Variants in ZNF608 observed in about 807,000 individuals in gnomAD.
ZNF608 encodes zinc finger protein 608.
ZNF608 carries 12 observed loss-of-function variants against 109.0 expected under a neutral mutation model. The observed-to-expected ratio is 0.11, with a 90% CI of 0.07 to 0.18. ZNF608 has a LOEUF of 0.18. ZNF608 is among the 10% of genes least tolerant of loss of function. ZNF608 has a pLI of 1.00. For synonymous variants in ZNF608, 732 were observed against 717.4 expected (o/e 1.02, Z -0.33); for missense variants, 1,707 against 1,879.3 (o/e 0.91, Z 1.70).
intron 3 of ZNF608, among the ~76,000 whole-genome samples, chr5:124,685,741 T>G (rs1400051490): frequency 6.6e-6 from 1 of 151,302 alleles, no homozygotes; most frequent in Non-Finnish European, 1.5e-5. Flanking sequence ...CCTGAAACCT[T>G]GAGGTGGGTA....
intron 3 of ZNF608, among the ~76,000 whole-genome samples, chr5:124,677,449 G>A (rs561756938): frequency 6.6e-6 from 1 of 152,304 alleles, no homozygotes; most frequent in Non-Finnish European, 1.5e-5. Flanking sequence ...ACAGCACAGG[G>A]TCTGTAAGGA....
intron 3 of ZNF608, among the ~76,000 whole-genome samples, 198 bp downstream of exon 3, chr5:124,700,816 C>T (rs935897571): frequency 2.6e-5 from 4 of 152,214 alleles, no homozygotes; most frequent in African/African-American, 9.6e-5. Context: ...AAACACCCAA[C>T]TCATCTGCAA....
intron 3 of ZNF608, among the ~76,000 whole-genome samples, chr5:124,697,670 C>G (rs1032127669): frequency 9.2e-5 from 14 of 152,142 alleles, no homozygotes; most frequent in African/African-American, 3.4e-4. Flanking sequence ...CTTAGACAAC[C>G]AGTACTTCAT....
rs34750134 is a variant in ZNF608 at position 124,637,667 on chromosome 5, TTA to T, written c.*231_*232del. 190 of 175,222 alleles carry T rather than the reference TTA, an allele frequency of 1.1e-3. No homozygotes were observed. Among genetic ancestry groups the T allele is most frequent in the Middle Eastern group, 5.3e-3 (2 of 374 alleles). The allele number at this position is 175,222 out of a possible 1,614,324, so 10.9% of individuals were successfully genotyped here. On this transcript the variant is annotated 3_prime_UTR_variant, in exon 10 of 10. Coordinates refer to ENST00000513986, the MANE Select transcript of ZNF608 (RefSeq NM_020747.3). ...CAAAAAGTAAAGAATATATTTATATTTATATATATATATATGTATATATACAG... is the reference window on the plus strand; with the variant it reads ...CAAAAAGTAAAGAATATATTTATATTTATATATATATATGTATATATACAG...
intron 2 of ZNF608, among the ~76,000 whole-genome samples, chr5:124,723,894 C>T (rs960120854): frequency 1.3e-4 from 19 of 151,994 alleles, no homozygotes; most frequent in African/African-American, 4.6e-4. Flanking sequence ...CAACAACTCA[C>T]TAGATAATCA....
Position 124,648,952 on chromosome 5 carries a change from C to T in ZNF608, c.1432G>A (p.Gly478Arg), listed in dbSNP as rs1750664275. The change falls in exon 5 of 10, where the codon GGA becomes AGA. Residue 478 changes from glycine to arginine, a missense_variant. By Grantham distance (125) the Gly-to-Arg change is moderately radical. Around this residue, in one of 7 missense-constraint regions of ZNF608, gnomAD observed 166 missense variants for 204.2 expected, o/e 0.81. Transcript: ENST00000513986. ...KGRRGSLNAS[G>R]RRTPPNCAAE... ...GCACAATTTGGGGGTGTCCTTCGTCCGCTGGCATTGAGGCTGCCCCGCCTC... is the reference window on the plus strand; with the variant it reads ...GCACAATTTGGGGGTGTCCTTCGTCTGCTGGCATTGAGGCTGCCCCGCCTC... 1.2e-6 allele frequency: 2 copies of T among 1,613,972 alleles called. No homozygotes were observed. The highest frequency in any genetic ancestry group is 1.7e-6 in the Non-Finnish European group (2 of 1,179,982).
chr5:124,678,027 C>T (rs1281418639), intron 3 of ZNF608, among the ~76,000 whole-genome samples: 1 of 152,032 alleles, frequency 6.6e-6, no homozygotes, highest in Non-Finnish European at 1.5e-5. Context: ...ATAAATGGAT[C>T]AAATAAAGCC....
intron 2 of ZNF608, chr5:124,708,582 C>T (rs1753354312): frequency 2.6e-6 from 1 of 386,016 alleles, no homozygotes; most frequent in African/African-American, 2.1e-5. Flanking sequence ...CTTCAGAAAC[C>T]TCACTTTAAA....
intron 4 of ZNF608, 150 bp from the exon 5 acceptor site, chr5:124,649,283 T>C (rs1399245634): frequency 4.5e-6 from 3 of 671,518 alleles, no homozygotes; most frequent in Non-Finnish European, 7.0e-6. Context: ...TTCCAACACC[T>C]GCAAAAGAAC....
chr5:124,698,204 T>A (rs1752923999), intron 3 of ZNF608, among the ~76,000 whole-genome samples: 1 of 152,210 alleles, frequency 6.6e-6, no homozygotes, highest in Admixed American at 6.5e-5. Context: ...TCTCTCTTTG[T>A]TTCTCCCAAA....
intron 2 of ZNF608, among the ~76,000 whole-genome samples, chr5:124,718,631 C>T (rs999200769): frequency 1.3e-5 from 2 of 152,102 alleles, no homozygotes; most frequent in Non-Finnish European, 2.9e-5. Flanking sequence ...AGAGGAGGGG[C>T]GATGTGAAAG....
At chr5:124,657,990 T>TTAAAA (rs1413736629) in intron 3 of ZNF608, among the ~76,000 whole-genome samples, 1 of 152,150 alleles carries the variant, frequency 6.6e-6, no homozygotes, top group Non-Finnish European at 1.5e-5. Context: ...GAGGCCAGCT[T>TTAAAA]TAAAATAAAA....
intron 3 of ZNF608, among the ~76,000 whole-genome samples, chr5:124,671,641 CTTTTT>C (rs66998925): frequency 7.7e-6 from 1 of 129,744 alleles, no homozygotes. Context: ...TGGGGCTTCT[CTTTTT>C]TTTTTTTTTT....
intron 2 of ZNF608, among the ~76,000 whole-genome samples, chr5:124,727,896 T>C (rs956453137): frequency 6.6e-6 from 1 of 152,060 alleles, no homozygotes; most frequent in Non-Finnish European, 1.5e-5. Flanking sequence ...TGTGCCACCA[T>C]GCCCGACTAA....
intron 3 of ZNF608, among the ~76,000 whole-genome samples, chr5:124,660,937 C>T (rs566140864): frequency 8.7e-4 from 132 of 151,552 alleles, no homozygotes; most frequent in Non-Finnish European, 1.4e-3. Context: ...CTCAGTTATG[C>T]GCATCTACAC....
At chr5:124,641,912 C>T (rs1750261535) in intron 7 of ZNF608, among the ~76,000 whole-genome samples, 1 of 152,206 alleles carries the variant, frequency 6.6e-6, no homozygotes, top group Admixed American at 6.5e-5. Context: ...CCTACACCCA[C>T]ATTTTGAATC....
At chr5:124,690,954 C>CACAT (rs10666145) in intron 3 of ZNF608, among the ~76,000 whole-genome samples, 1 of 150,724 alleles carries the variant, frequency 6.6e-6, no homozygotes, top group Non-Finnish European at 1.5e-5. Context: ...CACACACACA[C>CACAT]ATAATGGAAA....
At chr5:124,662,822 CACACACAG>C in intron 3 of ZNF608, among the ~76,000 whole-genome samples, 1 of 152,184 alleles carries the variant, frequency 6.6e-6, no homozygotes, top group African/African-American at 2.4e-5. Context: ...GACACACACA[CACACACAG>C]ACACACACAC....
chr5:124,656,605 A>G (rs1751019450), intron 3 of ZNF608, among the ~76,000 whole-genome samples: 1 of 152,152 alleles, frequency 6.6e-6, no homozygotes, highest in Admixed American at 6.5e-5. Context: ...CAAAAAATGA[A>G]ACCTTAAGCA....
Sources: gnomAD v4.1 joint callset for allele counts (sites outside exome capture counted in the v4.1 genomes callset) on GRCh38, gnomAD v4.1.1 for gene constraint, gnomAD v4.1.1 regional missense constraint, MANE v1.5 for transcripts, NCBI Gene and HGNC (gene_info 2026-07-23, HGNC 2026-07-21) for gene names.